Variants in DHCR24 observed in about 807,000 individuals in gnomAD.
DHCR24 encodes the protein 24-dehydrocholesterol reductase.
In DHCR24, 28 loss-of-function variants were observed where a neutral mutation model predicts 61.2. The observed-to-expected ratio is 0.46, with a 90% CI of 0.34 to 0.63. The LOEUF (loss-of-function observed/expected upper bound fraction) is 0.63. DHCR24 is among the 20% of genes least tolerant of loss of function. DHCR24 has a pLI of 0.01. For synonymous variants in DHCR24, 261 were observed against 275.9 expected (o/e 0.95, Z 0.54); for missense variants, 538 against 679.1 (o/e 0.79, Z 2.31).
At chr1:54,853,972 G>T in intron 7 of DHCR24, 65 bp downstream of exon 7, 1 of 1,500,426 alleles carries the variant, frequency 6.7e-7, no homozygotes, top group East Asian at 2.4e-5. Flanking sequence ...ACACGGTTCA[G>T]GGGAGGAGAC....
At chr1:54,864,458 A>G (rs1646956496) in intron 6 of DHCR24, among the ~76,000 whole-genome samples, 1 of 152,226 alleles carries the variant, frequency 6.6e-6, no homozygotes, top group South Asian at 2.1e-4. Context: ...GATTCCATAT[A>G]TGTGAAATAT....
At position 54,850,672 on chromosome 1, in the gene DHCR24, T is replaced by C. The variant is rs1468188104; in HGVS notation, c.*1561A>G. Reference sequence around the variant, plus strand: ...TGACCTTGGGGTTGAAGGAAGGATCTTGAATGACAGATAATCCCCAAGTGT... The same window carrying C: ...TGACCTTGGGGTTGAAGGAAGGATCCTGAATGACAGATAATCCCCAAGTGT... On this transcript the variant is annotated 3_prime_UTR_variant, in exon 9 of 9. Coordinates refer to ENST00000371269, the MANE Select transcript of DHCR24 (RefSeq NM_014762.4). 1 of 152,244 alleles carries C rather than the reference T, an allele frequency of 6.6e-6. No homozygotes were observed. Among genetic ancestry groups the C allele is most frequent in the Non-Finnish European group, 1.5e-5 (1 of 68,036 alleles). The allele number at this position is 152,244 out of a possible 1,614,324, so 9.4% of individuals were successfully genotyped here.
At chr1:54,876,814 T>C (rs1182049352) in intron 2 of DHCR24, among the ~76,000 whole-genome samples, 2 of 151,844 alleles carry the variant, frequency 1.3e-5, no homozygotes, top group Non-Finnish European at 2.9e-5. Flanking sequence ...AAAGTTTATT[T>C]TGCCAAGATT....
intron 6 of DHCR24, among the ~76,000 whole-genome samples, chr1:54,860,274 A>T (rs1557431776): frequency 1.3e-5 from 2 of 152,238 alleles, no homozygotes; most frequent in South Asian, 4.1e-4. Flanking sequence ...AGCATCTCTT[A>T]ATCTGACTTC....
intron 4 of DHCR24, among the ~76,000 whole-genome samples, chr1:54,873,781 C>T (rs1301816044): frequency 6.6e-6 from 1 of 152,180 alleles, no homozygotes; most frequent in Non-Finnish European, 1.5e-5. Context: ...TCCACAGTAG[C>T]TGGAAATACA....
intron 3 of DHCR24, 74 bp downstream of exon 3, chr1:54,875,868 A>G: frequency 1.7e-6 from 2 of 1,172,736 alleles, no homozygotes. Context: ...GACTAGATGG[A>G]GGGTGGCCAA....
chr1:54,856,717 T>C (rs1453310158), intron 6 of DHCR24, among the ~76,000 whole-genome samples: 1 of 152,260 alleles, frequency 6.6e-6, no homozygotes, highest in Non-Finnish European at 1.5e-5. Context: ...TTCCAACTAA[T>C]ATACTTCGTA....
chr1:54,866,610 G>A (rs1321278195), intron 5 of DHCR24, among the ~76,000 whole-genome samples: 1 of 152,232 alleles, frequency 6.6e-6, no homozygotes, highest in African/African-American at 2.4e-5. Context: ...CAAGCACGGT[G>A]CCTGGTCCAC....
chr1:54,864,101 G>A (rs1475515301), intron 6 of DHCR24, among the ~76,000 whole-genome samples: 1 of 152,178 alleles, frequency 6.6e-6, no homozygotes, highest in African/African-American at 2.4e-5. Flanking sequence ...CATTGCTGGT[G>A]GGAATGAAAA....
At chr1:54,866,195 A>G (rs565267991) in intron 5 of DHCR24, among the ~76,000 whole-genome samples, 5 of 152,082 alleles carry the variant, frequency 3.3e-5, no homozygotes, top group Non-Finnish European at 7.4e-5. Flanking sequence ...GAAAAGCACA[A>G]GCTTTAGGGT....
intron 4 of DHCR24, among the ~76,000 whole-genome samples, chr1:54,872,105 C>T (rs1299143541): frequency 6.6e-6 from 1 of 152,158 alleles, no homozygotes; most frequent in Non-Finnish European, 1.5e-5. Flanking sequence ...CCCGACAGAG[C>T]CCAGGGAGAG....
intron 7 of DHCR24, 25 bp downstream of exon 7, chr1:54,854,012 G>A (rs766189197): frequency 1.9e-6 from 3 of 1,599,718 alleles, no homozygotes; most frequent in Admixed American, 1.7e-5. Flanking sequence ...CACCTGGTGC[G>A]CCCTCCCTGC....
chr1:54,861,846 T>C (rs1024452231), intron 6 of DHCR24, among the ~76,000 whole-genome samples: 4 of 152,136 alleles, frequency 2.6e-5, no homozygotes, highest in Non-Finnish European at 5.9e-5. Flanking sequence ...GAGGGACAGC[T>C]TCACATCTCT....
chr1:54,882,476 C>T (rs1028356039), intron 2 of DHCR24, among the ~76,000 whole-genome samples: 2 of 152,230 alleles, frequency 1.3e-5, no homozygotes, highest in Non-Finnish European at 2.9e-5. Context: ...TATGATCTAG[C>T]CATTCCATTC....
intron 6 of DHCR24, among the ~76,000 whole-genome samples, chr1:54,860,025 G>T (rs995537804): frequency 6.6e-6 from 1 of 152,054 alleles, no homozygotes; most frequent in Non-Finnish European, 1.5e-5. Context: ...TAATGGGTGT[G>T]GGGGAGACCC....
Position 54,865,318 on chromosome 1 carries a change from G to A in DHCR24, c.1005C>T (p.Ile335=). The A allele has an allele frequency of 1.2e-6, 2 of 1,613,842 alleles. No homozygotes were observed. Among genetic ancestry groups the A allele is most frequent in the Non-Finnish European group, 1.7e-6 (2 of 1,179,922 alleles). The stretch of plus-strand genomic sequence containing the variant: ...TAAGCCTCACCTGGAGCTCCCAGAA[G>A]ATGCTGCGCGTGTGGCGGTGGTAGT... ...RHYYHRHTRS[I]FWELQDIIPF... Residue 335 remains isoleucine (I), a synonymous_variant, in exon 6 of 9, where the codon ATC becomes ATT. Coordinates refer to ENST00000371269, the MANE Select transcript of DHCR24 (RefSeq NM_014762.4).
Position 54,883,909 on chromosome 1 carries a change from G to A in DHCR24, c.232-136C>T, listed in dbSNP as rs1435063601. The A allele has an allele frequency of 1.4e-5, 17 of 1,247,038 alleles. No individual in the cohort carries two copies. Among genetic ancestry groups the A allele is most frequent in the Admixed American group, 9.9e-5 (5 of 50,566 alleles). The allele number at this position is 1,247,038 out of a possible 1,614,324, so 77.2% of individuals were successfully genotyped here. On this transcript the variant is annotated intron_variant, in intron 1 of 8. Transcript: ENST00000371269. The surrounding 1 kb of genome is among the most constrained non-coding windows in gnomAD (Gnocchi z 4.3). ...GAGAAACAGAACAATGAAAAGGCCT[G>A]CTGGCCCTACCCTCTGGCACCTCCC...
Position 54,853,527 on chromosome 1 carries a change from A to G in DHCR24, c.1304T>C (p.Ile435Thr). ...CGGCTCCCCATATGCTCCAATGTCG[A>G]TGTAGAGCTCTGCCTCATTTCCTTT... is the stretch of plus-strand genomic sequence containing the variant. ...HPKGNEAELY[I>T]DIGAYGEPRV... Residue 435 changes from isoleucine to threonine, a missense_variant, in exon 8 of 9, where the codon ATC (isoleucine) becomes ACC (threonine). Coordinates refer to ENST00000371269, the MANE Select transcript of DHCR24 (RefSeq NM_014762.4). The G allele has an allele frequency of 6.2e-7, 1 of 1,614,106 alleles. No individual in the cohort carries two copies. Among genetic ancestry groups the G allele is most frequent in the East Asian group, 2.2e-5 (1 of 44,870 alleles).
chr1:54,865,326 G>C lies in DHCR24; in HGVS notation c.997C>G (p.Arg333Gly). 6.2e-7 allele frequency: 1 copy of C among 1,613,834 alleles called. No homozygotes were observed. Among genetic ancestry groups the C allele is most frequent in the Non-Finnish European group, 8.5e-7 (1 of 1,179,876 alleles). Residue 333 changes from arginine (R) to glycine (G), a missense_variant, in exon 6 of 9, where the codon CGC becomes GGC. Transcript: ENST00000371269. ...PLRHYYHRHT[R>G]SIFWELQDII... ...ACCTGGAGCTCCCAGAAGATGCTGC[G>C]CGTGTGGCGGTGGTAGTAGTGTCTC...
Sources: allele counts gnomAD v4.1 joint callset (sites outside exome capture counted in the v4.1 genomes callset), GRCh38; gene constraint gnomAD v4.1.1; non-coding constraint Gnocchi (gnomAD v3.1); transcripts MANE v1.5; gene names NCBI Gene and HGNC (gene_info 2026-07-23, HGNC 2026-07-21).